Variants in SMARCA2 observed in about 807,000 individuals in gnomAD.
SMARCA2 encodes the protein SWI/SNF related BAF chromatin remodeling complex subunit ATPase 2, also known as SWI/SNF-related matrix-associated actin-dependent regulator of chromatin subfamily A member 2.
Under a neutral mutation model 199.8 loss-of-function variants are expected in SMARCA2, and 61 were observed. The ratio of observed to expected loss-of-function variants is 0.31; its 90% CI spans 0.25 to 0.38. SMARCA2 has a LOEUF of 0.38. SMARCA2 is among the 10% of genes least tolerant of loss of function. The pLI is 1.00. For missense variants in SMARCA2, 1,344 were observed against 2,012.2 expected (o/e 0.67, Z 6.35); for synonymous variants, 935 against 732.0 (o/e 1.28, Z -4.48).
chr9:2,072,716 G>C (rs1198274828), intron 10 of SMARCA2, among the ~76,000 whole-genome samples: 1 of 152,228 alleles, frequency 6.6e-6, no homozygotes, highest in Non-Finnish European at 1.5e-5. Flanking sequence ...TAAATAAAAA[G>C]GGAATGTATT....
chr9:2,178,659 G>C (rs1297512062), intron 29 of SMARCA2, among the ~76,000 whole-genome samples: 1 of 151,960 alleles, frequency 6.6e-6, no homozygotes, highest in African/African-American at 2.4e-5. Context: ...GCTCAAATTA[G>C]AGAAAGAAAT....
intron 3 of SMARCA2, among the ~76,000 whole-genome samples, chr9:2,034,221 C>G (rs186392655): frequency 3.1e-5 from 4 of 127,498 alleles, no homozygotes; most frequent in African/African-American, 1.2e-4. Context: ...TCTAGCCTGG[C>G]GACAGAGCAA....
chr9:2,067,105 A>G (rs1249586103), intron 9 of SMARCA2, among the ~76,000 whole-genome samples: 1 of 152,240 alleles, frequency 6.6e-6, no homozygotes, highest in Non-Finnish European at 1.5e-5. Flanking sequence ...TCTTAGAATA[A>G]CATGGCAGAA....
chr9:2,143,339 T>C (rs1824556144), intron 27 of SMARCA2, among the ~76,000 whole-genome samples: 1 of 152,218 alleles, frequency 6.6e-6, no homozygotes. Flanking sequence ...CCCTGGAGGC[T>C]ATGCATGACC....
intron 24 of SMARCA2, among the ~76,000 whole-genome samples, chr9:2,111,928 C>T (rs1348771576): frequency 6.6e-6 from 1 of 152,104 alleles, no homozygotes; most frequent in Non-Finnish European, 1.5e-5. Context: ...TAAATTAAAG[C>T]GACTATTAAA....
rs368313276 is a variant in SMARCA2 at position 2,027,977 on chromosome 9, G to T, written c.-36-1010G>T. On this transcript the variant is annotated intron_variant, in intron 1 of 33. Coordinates refer to ENST00000349721, the MANE Select transcript of SMARCA2 (RefSeq NM_003070.5). ...GCTTATTTGCTCATTCTGGCTCATA[G>T]CCAAGATGCAGTTGTACCCACTCTA... Among the ~76,000 whole-genome samples the T allele has an allele frequency of 5.0e-4, 76 of 152,360 alleles. No homozygotes were observed. In the South Asian group the frequency reaches 0.013, roughly 27 times the overall value.
Position 2,181,802 on chromosome 9 carries a change from G to GGGATGTCC in SMARCA2, c.4359+127_4359+134dup, listed in dbSNP as rs1403275536. 4.7e-6 allele frequency: 3 copies of GGGATGTCC among 640,988 alleles called. No homozygotes were observed. The African/African-American group carries it at 5.5e-5, about 12-fold the overall frequency. The allele number at this position is 640,988 out of a possible 1,614,324, so 39.7% of individuals were successfully genotyped here. A position where few individuals can be genotyped will look rare whatever the true frequency, so the allele number is the denominator to read the frequency against. On this transcript the variant is annotated intron_variant, in intron 30 of 33. Coordinates refer to ENST00000349721, the MANE Select transcript of SMARCA2 (RefSeq NM_003070.5). ...CCCAGGGCTCGCGACAGGAAAGGTTGGGATGTCCTTGTGCTTTTCCGTGAG... is the reference window on the plus strand; with the variant it reads ...CCCAGGGCTCGCGACAGGAAAGGTTGGGATGTCCGGATGTCCTTGTGCTTTTCCGTGAG...
intron 8 of SMARCA2, 102 bp downstream of exon 8, chr9:2,058,566 C>T (rs1161061658): frequency 3.0e-6 from 3 of 992,148 alleles, no homozygotes; most frequent in South Asian, 3.1e-5. Flanking sequence ...ATGAAAACTG[C>T]TTATCAAAAA....
At chr9:2,163,968 C>T (rs1298842467) in intron 28 of SMARCA2, among the ~76,000 whole-genome samples, 1 of 152,136 alleles carries the variant, frequency 6.6e-6, no homozygotes, top group Non-Finnish European at 1.5e-5. Flanking sequence ...TCCCATCCCC[C>T]ACCCTTTTGA....
intron 1 of SMARCA2, among the ~76,000 whole-genome samples, chr9:2,019,017 C>T (rs1174393182): frequency 6.6e-6 from 1 of 152,102 alleles, no homozygotes; most frequent in African/African-American, 2.4e-5. Flanking sequence ...CTTTTATTCT[C>T]TTGGACTTTC....
intron 8 of SMARCA2, among the ~76,000 whole-genome samples, chr9:2,059,363 C>T (rs960097267): frequency 6.6e-6 from 1 of 152,030 alleles, no homozygotes; most frequent in Non-Finnish European, 1.5e-5. Flanking sequence ...GAGTAAACAC[C>T]ATGTTTTAAA....
intron 12 of SMARCA2, chr9:2,075,096 G>C (rs1821265719): frequency 6.6e-6 from 1 of 152,334 alleles, no homozygotes; most frequent in African/African-American, 2.4e-5. Flanking sequence ...AGCACAGACA[G>C]CCCTTGTCCC....
chr9:2,041,126 G>A (rs1029706038), intron 4 of SMARCA2: 1 of 378,276 alleles, frequency 2.6e-6, no homozygotes, highest in Non-Finnish European at 4.7e-6. Context: ...GTTCAGATTA[G>A]TATTTTTTCA....
chr9:2,049,073 AT>A (rs939285633), intron 5 of SMARCA2, among the ~76,000 whole-genome samples: 35 of 150,262 alleles, frequency 2.3e-4, no homozygotes, highest in East Asian at 1.2e-3. Context: ...TAGTTAAAAC[AT>A]TTTTTTTTTC....
intron 32 of SMARCA2, among the ~76,000 whole-genome samples, chr9:2,187,028 G>A (rs759483367): frequency 3.3e-5 from 5 of 152,198 alleles, no homozygotes; most frequent in Non-Finnish European, 5.9e-5. Flanking sequence ...AGGGGGAACT[G>A]ATGATGTTGG....
intron 19 of SMARCA2, among the ~76,000 whole-genome samples, chr9:2,092,868 T>C (rs1563763251): frequency 6.6e-6 from 1 of 152,222 alleles, no homozygotes; most frequent in Non-Finnish European, 1.5e-5. Context: ...AGCTTTCACA[T>C]GCATGCTCTA....
chr9:2,182,457 C>G (rs536960257), intron 31 of SMARCA2, among the ~76,000 whole-genome samples: 2 of 146,502 alleles, frequency 1.4e-5, no homozygotes, highest in African/African-American at 5.0e-5. Flanking sequence ...CCTACTCACA[C>G]TTCTTTTCAA....
Position 2,017,235 on chromosome 9 carries a change from G to A in SMARCA2, c.-37+1831G>A, listed in dbSNP as rs956011675. The stretch of plus-strand genomic sequence containing the variant: ...GAGCGCGGGGCTGGCTGGGCTGCTT[G>A]GGGGGTGGGGTGGAGGGAAGTTGGA... On this transcript the variant is annotated intron_variant, in intron 1 of 33. Transcript: ENST00000349721. This position sits in a 1 kb window ranked among gnomAD's most constrained non-coding sequence, Gnocchi z 8.8. 1.4e-5 allele frequency: 2 copies of A among 146,808 alleles called. No homozygotes were observed. Among genetic ancestry groups the A allele is most frequent in the South Asian group, 4.2e-4 (2 of 4,818 alleles). 9.1% of individuals were successfully genotyped at this position (146,808 alleles called of 1,614,324 possible). A position where few individuals can be genotyped will look rare whatever the true frequency, so the allele number is the denominator to read the frequency against.
At chr9:2,034,028 C>T (rs1276577764) in intron 3 of SMARCA2, among the ~76,000 whole-genome samples, 3 of 152,032 alleles carry the variant, frequency 2.0e-5, no homozygotes, top group Non-Finnish European at 2.9e-5. Context: ...GGGCGGATCA[C>T]GAGATCAAGA....
Sources: gnomAD v4.1 joint callset for allele counts (sites outside exome capture counted in the v4.1 genomes callset) on GRCh38, gnomAD v4.1.1 for gene constraint, Gnocchi (gnomAD v3.1) non-coding constraint, MANE v1.5 for transcripts, NCBI Gene and HGNC (gene_info 2026-07-23, HGNC 2026-07-21) for gene names.